RERE: variants seen among roughly 807,000 people sequenced by gnomAD.
RERE encodes arginine-glutamic acid dipeptide repeats protein.
A neutral mutation model predicts 146.1 loss-of-function variants in RERE; 40 were observed. The observed-to-expected ratio is 0.27, with a 90% CI of 0.21 to 0.36. The LOEUF (loss-of-function observed/expected upper bound fraction) is 0.36. RERE is among the 10% of genes least tolerant of loss of function. The pLI is 1.00. For missense variants in RERE, 1,933 were observed against 2,138.7 expected (o/e 0.90, Z 1.90); for synonymous variants, 1,003 against 866.0 (o/e 1.16, Z -2.78).
intron 12 of RERE, among the ~76,000 whole-genome samples, chr1:8,377,831 T>G (rs963335584): frequency 6.6e-6 from 1 of 152,118 alleles, no homozygotes; most frequent in African/African-American, 2.4e-5. Flanking sequence ...TTGAAAGGGA[T>G]CATCAGTTAT....
chr1:8,469,768 G>A (rs1021795298), intron 10 of RERE, among the ~76,000 whole-genome samples: 9 of 152,304 alleles, frequency 5.9e-5, no homozygotes, highest in Middle Eastern at 3.4e-3. Flanking sequence ...GTGGCATTCC[G>A]GCCTTTTGGT....
chr1:8,352,909 C>G lies in RERE; in HGVS notation c.*2178G>C, dbSNP rs930151384. ...ACAGACCTCAGAGGACTCGACTCTT[C>G]TTTGGAAAAATGGATGCCAAAGGAG... On this transcript the variant is annotated 3_prime_UTR_variant, in exon 23 of 23. Coordinates refer to ENST00000400908, the MANE Select transcript of RERE (RefSeq NM_001042681.2). The G allele has an allele frequency of 6.6e-6, 1 of 152,578 alleles. No homozygotes were observed. Among genetic ancestry groups the G allele is most frequent in the African/African-American group, 2.4e-5 (1 of 41,444 alleles). 9.5% of individuals were successfully genotyped at this position (152,578 alleles called of 1,614,324 possible).
chr1:8,802,297 C>T (rs1161173279), intron 1 of RERE, among the ~76,000 whole-genome samples: 1 of 152,152 alleles, frequency 6.6e-6, no homozygotes, highest in Non-Finnish European at 1.5e-5. Flanking sequence ...AACAGCTACC[C>T]GCTACAGCTT....
rs1644511946 is a variant in RERE at position 8,460,440 on chromosome 1, C to T, written c.1203+5485G>A. Among the ~76,000 whole-genome samples the T allele has an allele frequency of 2.0e-5, 3 of 152,054 alleles. No homozygotes were observed. The South Asian group carries it at 6.2e-4, about 32-fold the overall frequency. ...ATGTCAATTTTGAAAGAAGGATTTT[C>T]ATTTATATTTATGATAGACTGAGCT... On this transcript the variant is annotated intron_variant, in intron 11 of 22. Coordinates refer to ENST00000400908, the MANE Select transcript of RERE (RefSeq NM_001042681.2).
chr1:8,397,003 C>CA (rs1227503330), intron 12 of RERE, among the ~76,000 whole-genome samples: 1 of 152,222 alleles, frequency 6.6e-6, no homozygotes, highest in Non-Finnish European at 1.5e-5. Context: ...TCTGGTGAGA[C>CA]AGTTATCTCA....
chr1:8,766,078 A>G (rs1292725935), intron 1 of RERE, among the ~76,000 whole-genome samples: 3 of 152,174 alleles, frequency 2.0e-5, no homozygotes, highest in Non-Finnish European at 4.4e-5. Flanking sequence ...GCAACACTGC[A>G]CTCCAGCCTG....
chr1:8,407,966 T>C (rs1643498140), intron 12 of RERE, among the ~76,000 whole-genome samples: 1 of 152,198 alleles, frequency 6.6e-6, no homozygotes, highest in Non-Finnish European at 1.5e-5. Flanking sequence ...AATGGTTTCC[T>C]GGAACATTCT....
intron 1 of RERE, among the ~76,000 whole-genome samples, chr1:8,770,302 T>C (rs1640919935): frequency 6.6e-6 from 1 of 152,164 alleles, no homozygotes; most frequent in Non-Finnish European, 1.5e-5. Flanking sequence ...AATGGGTACT[T>C]ATTTAAAAAA....
chr1:8,357,017 A>C (rs1258022205), intron 20 of RERE, among the ~76,000 whole-genome samples: 1 of 151,950 alleles, frequency 6.6e-6, no homozygotes, highest in African/African-American at 2.4e-5. Context: ...ACCTCTCCTG[A>C]CGGCCTTCTC....
At chr1:8,541,504 T>C (rs1008925268) in intron 6 of RERE, among the ~76,000 whole-genome samples, 186 bp from the exon 7 acceptor site, 2 of 152,202 alleles carry the variant, frequency 1.3e-5, no homozygotes, top group South Asian at 2.1e-4. Context: ...CTGTGTAATC[T>C]GACTGCTTTT....
In RERE at chr1:8,718,563, A is replaced by C. The variant is rs1158807705; in HGVS notation, c.-144-62122T>G. ...CTGTGGTTTAATTTCATCAATAGTG[A>C]AGTTTAGTCCTACCTATTTTGCTGG... On this transcript the variant is annotated intron_variant, in intron 1 of 22. Coordinates refer to ENST00000400908, the MANE Select transcript of RERE (RefSeq NM_001042681.2). Among the ~76,000 whole-genome samples the C allele has an allele frequency of 2.0e-5, 3 of 152,192 alleles. No individual in the cohort carries two copies. In the East Asian group the frequency reaches 5.8e-4, roughly 29 times the overall value.
chr1:8,659,997 C>G (rs1432716321), intron 1 of RERE, among the ~76,000 whole-genome samples: 1 of 151,904 alleles, frequency 6.6e-6, no homozygotes, highest in Non-Finnish European at 1.5e-5. Flanking sequence ...AATCAATGTT[C>G]TGATTTATCT....
At chr1:8,453,410 C>T (rs930078016) in intron 11 of RERE, among the ~76,000 whole-genome samples, 2 of 152,174 alleles carry the variant, frequency 1.3e-5, no homozygotes, top group Non-Finnish European at 2.9e-5. Flanking sequence ...CACCACAGAT[C>T]AAAGCTCCAG....
At chr1:8,387,066 G>A (rs1642703174) in intron 12 of RERE, among the ~76,000 whole-genome samples, 2 of 152,112 alleles carry the variant, frequency 1.3e-5, no homozygotes, top group East Asian at 3.9e-4. Context: ...AAAAGGTAGG[G>A]GACCTGCTAA....
At chr1:8,724,595 C>T (rs1170590085) in intron 1 of RERE, among the ~76,000 whole-genome samples, 1 of 152,002 alleles carries the variant, frequency 6.6e-6, no homozygotes, top group Non-Finnish European at 1.5e-5. Context: ...GCTTGTAATC[C>T]CAGCACTTCG....
intron 11 of RERE, among the ~76,000 whole-genome samples, chr1:8,439,178 T>G (rs898248312): frequency 6.6e-6 from 1 of 152,330 alleles, no homozygotes; most frequent in East Asian, 1.9e-4. Flanking sequence ...GTCAAAAATG[T>G]GTTTGAGAGA....
chr1:8,459,833 G>A (rs889228367), intron 11 of RERE, among the ~76,000 whole-genome samples: 4 of 152,040 alleles, frequency 2.6e-5, no homozygotes, highest in African/African-American at 7.2e-5. Flanking sequence ...GAAAAGGTTC[G>A]TACTAGATGA....
At chr1:8,761,672 T>C (rs1247886325) in intron 1 of RERE, among the ~76,000 whole-genome samples, 2 of 151,942 alleles carry the variant, frequency 1.3e-5, no homozygotes, top group Non-Finnish European at 1.5e-5. Flanking sequence ...AATCCCAGCA[T>C]TTTGGGAGGT....
chr1:8,667,220 A>G (rs1263712466), intron 1 of RERE, among the ~76,000 whole-genome samples: 1 of 152,210 alleles, frequency 6.6e-6, no homozygotes, highest in Non-Finnish European at 1.5e-5. Flanking sequence ...GAGGGTGCAA[A>G]AGTACCCAAA....
Sources: gnomAD v4.1 joint callset for allele counts (sites outside exome capture counted in the v4.1 genomes callset) on GRCh38, gnomAD v4.1.1 for gene constraint, MANE v1.5 for transcripts, NCBI Gene and HGNC (gene_info 2026-07-23, HGNC 2026-07-21) for gene names.